MUC15: variants seen among roughly 807,000 people sequenced by gnomAD.
MUC15 encodes the protein mucin 15, cell surface associated, also known as mucin-15.
A neutral mutation model predicts 24.0 loss-of-function variants in MUC15; 23 were observed. That is an observed-to-expected ratio of 0.96 (90% confidence interval 0.69 to 1.36). The LOEUF is 1.36. Among genes scored for constraint, MUC15 ranks in the 40% most tolerant of loss-of-function variants. The pLI is 0.00. For synonymous variants in MUC15, 151 were observed against 156.3 expected, an observed-to-expected ratio of 0.97 and a Z score of 0.25; for missense variants, 442 against 428.2, an observed-to-expected ratio of 1.03 and a Z score of -0.29.
rs187968981 is a variant in MUC15 at position 26,559,974 on chromosome 11, A to C, written c.*1091T>G. The C allele has an allele frequency of 2.5e-5, 11 of 447,666 alleles. No homozygotes were observed. The highest frequency in any genetic ancestry group is 2.0e-4 in the African/African-American group (10 of 50,660). 27.7% of individuals were successfully genotyped at this position (447,666 alleles called of 1,614,324 possible). On this transcript the variant is annotated 3_prime_UTR_variant, in exon 5 of 5. Coordinates refer to ENST00000529533, the MANE Select transcript of MUC15 (RefSeq NM_001135091.2). ...CTTTAGGAATTTAACTCTTGATCTC[A>C]TCCTCTAATCTCTAAAACCTAGACT... is the stretch of plus-strand genomic sequence containing the variant.
chr11:26,563,386 T>C, intron 3 of MUC15, 121 bp from the exon 4 acceptor site: 1 of 963,110 alleles, frequency 1.0e-6, no homozygotes, highest in East Asian at 2.7e-5. Context: ...TAATGGTGTG[T>C]TTCTCTCTCT....
chr11:26,566,986 A>G (rs933288024), intron 2 of MUC15, 66 bp downstream of exon 2: 13 of 1,282,428 alleles, frequency 1.0e-5, no homozygotes, highest in African/African-American at 1.5e-5. Flanking sequence ...ATATTCAAAT[A>G]TAATAATATA....
chr11:26,563,269 C>A lies in MUC15; in HGVS notation c.776-4G>T. On this transcript the variant is annotated splice_polypyrimidine_tract_variant and splice_region_variant and intron_variant, in intron 3 of 4. Coordinates refer to ENST00000529533, the MANE Select transcript of MUC15 (RefSeq NM_001135091.2). ...ACTATTCCTGTATTTCTATTTTCTA[C>A]AGGACAAAAAAAATTTAAAGAAATA... is the stretch of plus-strand genomic sequence containing the variant. 1 of 1,583,184 alleles carries A rather than the reference C, an allele frequency of 6.3e-7. No homozygotes were observed. Among genetic ancestry groups the A allele is most frequent in the South Asian group, 1.2e-5 (1 of 83,960 alleles).
At position 26,563,395 on chromosome 11, in the gene MUC15, C is replaced by CTCTG. The variant is rs371195680; in HGVS notation, c.776-131_776-130insCAGA. 3.4e-3 allele frequency: 1,824 copies of CTCTG among 539,892 alleles called. 5 individuals are homozygous for CTCTG. The highest frequency in any genetic ancestry group is 4.9e-3 in the East Asian group (138 of 27,888). 33.4% of individuals were successfully genotyped at this position (539,892 alleles called of 1,614,324 possible). A position where few individuals can be genotyped will look rare whatever the true frequency, so the allele number is the denominator to read the frequency against. On this transcript the variant is annotated intron_variant, in intron 3 of 4. Transcript: ENST00000529533. ...ATTAGATAATGGTGTGTTTCTCTCT[C>CTCTG]TGTGTGTGTGTGTGTGTGTGTGTGT... is the stretch of plus-strand genomic sequence containing the variant.
rs1554969838 is a variant in MUC15 at position 26,559,875 on chromosome 11, C to CAG, written c.*1189_*1190insCT. On this transcript the variant is annotated 3_prime_UTR_variant, in exon 5 of 5. Coordinates refer to ENST00000529533, the MANE Select transcript of MUC15 (RefSeq NM_001135091.2). Reference sequence around the variant, plus strand: ...ACACACACACACACACACACACACACCATGAATCAATTCAAAAATAAAGCC... The same window carrying CAG: ...ACACACACACACACACACACACACACAGCATGAATCAATTCAAAAATAAAGCC... 2.5e-6 allele frequency: 2 copies of CAG among 786,824 alleles called. No homozygotes were observed. Among genetic ancestry groups the CAG allele is most frequent in the Non-Finnish European group, 4.2e-6 (2 of 479,496 alleles). 48.7% of individuals were successfully genotyped at this position (786,824 alleles called of 1,614,324 possible).
chr11:26,560,637 A>G lies in MUC15; in HGVS notation c.*428T>C, dbSNP rs1850250998. The G allele has an allele frequency of 6.5e-6, 1 of 153,282 alleles. No homozygotes were observed. The highest frequency in any genetic ancestry group is 2.4e-5 in the African/African-American group (1 of 41,414). 9.5% of individuals were successfully genotyped at this position (153,282 alleles called of 1,614,324 possible). On this transcript the variant is annotated 3_prime_UTR_variant, in exon 5 of 5. Transcript: ENST00000529533. ...ATTTTCTTTAAAAAGCACCCTTTCA[A>G]TTTTCATTTAAGAAAATGCAATCTT...
chr11:26,559,791 C>T lies in MUC15; in HGVS notation c.*1274G>A. 2 of 1,577,938 alleles carry T rather than the reference C, an allele frequency of 1.3e-6. No individual in the cohort carries two copies. Among genetic ancestry groups the T allele is most frequent in the African/African-American group, 1.4e-5 (1 of 73,888 alleles). ...TATGGCAATATGGGGTAAGTACTTT[C>T]TTCATTACTTTCTATCCCTTATTTT... On this transcript the variant is annotated 3_prime_UTR_variant, in exon 5 of 5. Coordinates refer to ENST00000529533, the MANE Select transcript of MUC15 (RefSeq NM_001135091.2).
In MUC15 at chr11:26,565,727, A is replaced by G; in HGVS notation, c.213T>C (p.Asn71=). The G allele has an allele frequency of 6.2e-7, 1 of 1,605,652 alleles. No individual in the cohort carries two copies. Among genetic ancestry groups the G allele is most frequent in the South Asian group, 1.1e-5 (1 of 90,956 alleles). The change falls in exon 3 of 5, where the codon AAT becomes AAC. Residue 71 remains asparagine, a synonymous_variant. Coordinates refer to ENST00000529533, the MANE Select transcript of MUC15 (RefSeq NM_001135091.2). ...NIAEVFKTME[N]KPISLESEAN... ...CTTCACTTTCCAAAGAAATAGGTTT[A>G]TTTTCCATTGTTTTAAAAACTTCTG...
chr11:26,564,397 C>T (rs1413846922), intron 3 of MUC15, among the ~76,000 whole-genome samples: 1 of 149,054 alleles, frequency 6.7e-6, no homozygotes, highest in Non-Finnish European at 1.5e-5. Context: ...AAGTAAACCA[C>T]ACTGGAAGTG....
At chr11:26,571,485 T>C (rs971444365) in intron 1 of MUC15, among the ~76,000 whole-genome samples, 8 of 152,286 alleles carry the variant, frequency 5.3e-5, no homozygotes, top group African/African-American at 1.2e-4. Flanking sequence ...TAATTATATG[T>C]ACTGTACAAC....
intron 2 of MUC15, 42 bp downstream of exon 2, chr11:26,567,010 T>C: frequency 2.1e-6 from 3 of 1,423,094 alleles, no homozygotes; most frequent in Non-Finnish European, 2.8e-6. Context: ...ATAGTGTCTT[T>C]TTGGTTACAA....
rs1850224797 is a variant in MUC15, at chr11:26,560,025, T to A, written c.*1040A>T. On this transcript the variant is annotated 3_prime_UTR_variant, in exon 5 of 5. Transcript: ENST00000529533. Reference sequence around the variant, plus strand: ...TTCCTACATCAAGGAACATATTTTTTCTACCAAAGGAAGGTGGTAATTAAA... The same window carrying A: ...TTCCTACATCAAGGAACATATTTTTACTACCAAAGGAAGGTGGTAATTAAA... The A allele has an allele frequency of 2.7e-6, 1 of 363,744 alleles. No individual in the cohort carries two copies. Among genetic ancestry groups the A allele is most frequent in the South Asian group, 1.2e-4 (1 of 8,486 alleles). The allele number at this position is 363,744 out of a possible 1,614,324, so 22.5% of individuals were successfully genotyped here.
rs1554969845 is a variant in MUC15 at position 26,559,851 on chromosome 11, C to CACAT, written c.*1213_*1214insATGT. 9.2e-6 allele frequency: 8 copies of CACAT among 868,742 alleles called. No individual in the cohort carries two copies. The highest frequency in any genetic ancestry group is 5.1e-5 in the African/African-American group (3 of 59,358). The allele number at this position is 868,742 out of a possible 1,614,324, so 53.8% of individuals were successfully genotyped here. On this transcript the variant is annotated 3_prime_UTR_variant, in exon 5 of 5. Coordinates refer to ENST00000529533, the MANE Select transcript of MUC15 (RefSeq NM_001135091.2). Reference sequence around the variant, plus strand: ...TTTCTGTGTTACACACACACACACACACACACACACACACACACACACACC... The same window carrying CACAT: ...TTTCTGTGTTACACACACACACACACACATACACACACACACACACACACACACC...
chr11:26,566,823 G>T (rs188838945), intron 2 of MUC15, among the ~76,000 whole-genome samples: 154 of 151,826 alleles, frequency 1.0e-3, no homozygotes, highest in African/African-American at 3.4e-3. Context: ...AATAACTCAT[G>T]AAAAATAATC....
At position 26,560,834 on chromosome 11, in the gene MUC15, A is replaced by G. The variant is rs1850258724; in HGVS notation, c.*231T>C. On this transcript the variant is annotated 3_prime_UTR_variant, in exon 5 of 5. Coordinates refer to ENST00000529533, the MANE Select transcript of MUC15 (RefSeq NM_001135091.2). ...TTTCTACTAAGAAAATACTACTAAA[A>G]TACAAATTAAGGCTACTTAGTAAAT... 2.5e-6 allele frequency: 1 copy of G among 392,838 alleles called. No individual in the cohort carries two copies. The highest frequency in any genetic ancestry group is 4.5e-6 in the Non-Finnish European group (1 of 222,520). The allele number at this position is 392,838 out of a possible 1,614,324, so 24.3% of individuals were successfully genotyped here. A position where few individuals can be genotyped will look rare whatever the true frequency, so the allele number is the denominator to read the frequency against.
rs1298642173 is a variant in MUC15 at position 26,565,592 on chromosome 11, A to C, written c.348T>G (p.Ser116Arg). Reference protein sequence around the residue: ...NNSHGITDFSSNSSAEHSLGS... With the variant: ...NNSHGITDFSRNSSAEHSLGS... The stretch of plus-strand genomic sequence containing the variant: ...CCAAAGAATGCTCTGCTGATGAGTT[A>C]CTGGAGAAATCTGTTATTCCGTGGC... Residue 116 changes from serine (S) to arginine (R), a missense_variant, in exon 3 of 5, where the codon AGT (serine) becomes AGG (arginine). Coordinates refer to ENST00000529533, the MANE Select transcript of MUC15 (RefSeq NM_001135091.2). 2.5e-6 allele frequency: 4 copies of C among 1,613,198 alleles called. No homozygotes were observed. The highest frequency in any genetic ancestry group is 3.4e-6 in the Non-Finnish European group (4 of 1,179,534).
chr11:26,559,700 CTGTT>C lies in MUC15; in HGVS notation c.*1361_*1364del, dbSNP rs762455077. 4 of 1,591,664 alleles carry C rather than the reference CTGTT, an allele frequency of 2.5e-6. No homozygotes were observed. The South Asian group carries it at 4.4e-5, about 18-fold the overall frequency. On this transcript the variant is annotated 3_prime_UTR_variant, in exon 5 of 5. Transcript: ENST00000529533. ...TAATCAATTTGCATGACTAATATTT[CTGTT>C]TGTTTTCTACTCAGGTGACATATTT...
At chr11:26,567,229 T>C in intron 1 of MUC15, 90 bp from the exon 2 acceptor site, 1 of 812,630 alleles carries the variant, frequency 1.2e-6, no homozygotes, top group Non-Finnish European at 1.7e-6. Flanking sequence ...TAATGGAAAA[T>C]TTACTTTAAA....
intron 4 of MUC15, among the ~76,000 whole-genome samples, chr11:26,562,742 C>T (rs1273162673): frequency 1.3e-5 from 2 of 151,864 alleles, no homozygotes; most frequent in Non-Finnish European, 2.9e-5. Context: ...GTTCAAATTA[C>T]TGCTACTTAA....
Sources: allele counts gnomAD v4.1 joint callset (sites outside exome capture counted in the v4.1 genomes callset), GRCh38; gene constraint gnomAD v4.1.1; transcripts MANE v1.5; gene names NCBI Gene and HGNC (gene_info 2026-07-23, HGNC 2026-07-21).